The following PPP2R2B variants were observed in gnomAD, a reference collection of about 807,000 sequenced individuals.
PPP2R2B encodes the protein protein phosphatase 2 regulatory subunit Bbeta, also known as serine/threonine-protein phosphatase 2A 55 kDa regulatory subunit B beta isoform.
PPP2R2B carries 5 observed loss-of-function variants against 46.0 expected under a neutral mutation model. That is an observed-to-expected ratio of 0.11 (90% CI 0.06 to 0.23). PPP2R2B has a LOEUF of 0.23. Among genes scored for constraint, PPP2R2B ranks in the 10% least tolerant of loss-of-function variants. PPP2R2B has a pLI of 1.00. For synonymous variants in PPP2R2B, 215 were observed against 206.7 expected (o/e 1.04, Z -0.34); for missense variants, 367 against 575.0 (o/e 0.64, Z 3.70).
rs1247076301 is a variant in PPP2R2B, at chr5:146,581,150, A to C, written c.*8797T>G. The C allele has an allele frequency of 4.6e-5, 7 of 152,308 alleles. No individual in the cohort carries two copies. In the East Asian group the frequency reaches 1.3e-3, roughly 29 times the overall value. 9.4% of individuals were successfully genotyped at this position (152,308 alleles called of 1,614,324 possible). A position where few individuals can be genotyped will look rare whatever the true frequency, so the allele number is the denominator to read the frequency against. On this transcript the variant is annotated 3_prime_UTR_variant, in exon 10 of 10. Coordinates refer to ENST00000394411, the MANE Select transcript of PPP2R2B (RefSeq NM_181675.4). ...AAACCCGAGACTGGGTAATTTGTAAAGGAATGAGGTTTAATTGGCTCATGG... is the reference window on the plus strand; with the variant it reads ...AAACCCGAGACTGGGTAATTTGTAACGGAATGAGGTTTAATTGGCTCATGG...
chr5:146,735,913 A>G (rs905758385), intron 2 of PPP2R2B, among the ~76,000 whole-genome samples: 1 of 152,216 alleles, frequency 6.6e-6, no homozygotes, highest in East Asian at 1.9e-4. Flanking sequence ...TGTGGTGGGC[A>G]TTATTATTTA....
chr5:147,014,124 C>G (rs1754877813), intron 1 of PPP2R2B, among the ~76,000 whole-genome samples: 1 of 125,046 alleles, frequency 8.0e-6, no homozygotes. Context: ...AGCCAAAAAA[C>G]ACATGAAAAA....
chr5:146,706,692 C>T (rs1182357041), intron 2 of PPP2R2B: 9 of 869,420 alleles, frequency 1.0e-5, no homozygotes, highest in East Asian at 1.0e-4. Flanking sequence ...GCTGATGTTC[C>T]GGTTCATCTC....
At chr5:147,024,542 A>C (rs538498274) in intron 1 of PPP2R2B, among the ~76,000 whole-genome samples, 1 of 152,330 alleles carries the variant, frequency 6.6e-6, no homozygotes, top group African/African-American at 2.4e-5. Flanking sequence ...TATATGTGGA[A>C]TATTCACCAA....
At chr5:146,993,463 A>G (rs939240640) in intron 1 of PPP2R2B, among the ~76,000 whole-genome samples, 2 of 151,562 alleles carry the variant, frequency 1.3e-5, no homozygotes, top group Non-Finnish European at 2.9e-5. Context: ...GCTGGTCTCA[A>G]ACTCCTGAGC....
exon 1 of PPP2R2B, chr5:147,081,344 C>A: frequency 6.6e-7 from 1 of 1,510,574 alleles, no homozygotes; most frequent in East Asian, 2.5e-5. Context: ...TGAATCACTG[C>A]TCTGTCTCCT....
intron 2 of PPP2R2B, among the ~76,000 whole-genome samples, chr5:146,709,752 G>T (rs181395434): frequency 6.6e-6 from 1 of 152,244 alleles, no homozygotes; most frequent in Non-Finnish European, 1.5e-5. Context: ...TGGGAGAATG[G>T]GACAATATCT....
intron 2 of PPP2R2B, among the ~76,000 whole-genome samples, chr5:146,791,193 G>A (rs1756178585): frequency 6.6e-6 from 1 of 152,092 alleles, no homozygotes; most frequent in Admixed American, 6.5e-5. Context: ...AAAAGTGGCA[G>A]GGAATTTTAC....
chr5:146,931,164 C>A (rs1183811118), intron 1 of PPP2R2B, among the ~76,000 whole-genome samples: 1 of 152,124 alleles, frequency 6.6e-6, no homozygotes, highest in Admixed American at 6.5e-5. Context: ...AAAGTGATAT[C>A]TCTGTAACGC....
intron 2 of PPP2R2B, among the ~76,000 whole-genome samples, chr5:147,067,078 C>A (rs972954969): frequency 6.6e-6 from 1 of 152,108 alleles, no homozygotes; most frequent in Admixed American, 6.5e-5. Flanking sequence ...AAAAAGTTGT[C>A]TACATTTACG....
Position 146,991,131 on chromosome 5 carries a change from A to C in PPP2R2B, c.79+64534T>G, listed in dbSNP as rs571556157. 7.2e-5 allele frequency among the ~76,000 whole-genome samples: 11 copies of C among 152,278 alleles called. No homozygotes were observed. The East Asian group carries it at 1.9e-3, about 27-fold the overall frequency. ...CTTGTACACTCTTCGTAGGAATGTA[A>C]ATTAGTATAGCCATTATGGAAAGCA... On this transcript the variant is annotated intron_variant, in intron 1 of 8. Transcript: ENST00000336640.
chr5:146,607,568 C>A (rs1206196829), intron 7 of PPP2R2B: 1 of 152,206 alleles, frequency 6.6e-6, no homozygotes, highest in African/African-American at 2.4e-5. Flanking sequence ...ATATTGGTCC[C>A]TAAGTTTTAC....
intron 1 of PPP2R2B, among the ~76,000 whole-genome samples, chr5:146,949,836 G>T (rs754511109): frequency 2.8e-4 from 43 of 151,900 alleles, no homozygotes; most frequent in Non-Finnish European, 4.4e-4. Flanking sequence ...CCATAAAAAA[G>T]AATGAAATTC....
At chr5:146,629,678 T>G (rs1774295369) in intron 7 of PPP2R2B, among the ~76,000 whole-genome samples, 1 of 152,082 alleles carries the variant, frequency 6.6e-6, no homozygotes, top group South Asian at 2.1e-4. Context: ...AGACCCAGCC[T>G]ACCTCTCTGG....
intron 1 of PPP2R2B, among the ~76,000 whole-genome samples, chr5:147,051,662 C>T (rs969047711): frequency 5.3e-5 from 8 of 151,900 alleles, no homozygotes; most frequent in Non-Finnish European, 1.0e-4. Flanking sequence ...AATAACAGGC[C>T]CTCCAGTGCC....
chr5:147,047,400 C>T (rs114800109), intron 1 of PPP2R2B, among the ~76,000 whole-genome samples: 1,547 of 152,244 alleles, frequency 0.01, 27 homozygotes, highest in African/African-American at 0.036. Context: ...AACTTCACTA[C>T]ATACCCCATG....
Position 146,638,345 on chromosome 5 carries a change from G to C in PPP2R2B, c.696C>G (p.Pro232=), listed in dbSNP as rs34317831. ...TEVITAAEFH[P]HHCNTFVYSS... is the part of the protein sequence containing the mutation. ...TGTACACGAAGGTGTTGCAATGATGGGGGTGGAACTCGGCTGCTGTGATCA... is the reference window on the plus strand; with the variant it reads ...TGTACACGAAGGTGTTGCAATGATGCGGGTGGAACTCGGCTGCTGTGATCA... Residue 232 remains proline (P), a synonymous_variant, in exon 7 of 10, where the codon CCC becomes CCG. Transcript: ENST00000394411. 1.5e-3 allele frequency: 2,394 copies of C among 1,613,588 alleles called. 40 individuals are homozygous for C. In the African/African-American group the frequency reaches 0.028, roughly 19 times the overall value.
Position 146,902,552 on chromosome 5 carries a change from C to T in PPP2R2B, c.79+153113G>A, listed in dbSNP as rs189113241. On this transcript the variant is annotated intron_variant, in intron 1 of 8. Transcript: ENST00000336640. Reference sequence around the variant, plus strand: ...TTAATTGTCACAAAAATCCTGAGGTCTGGCTCTAGATATACAACTACACAC... The same window carrying T: ...TTAATTGTCACAAAAATCCTGAGGTTTGGCTCTAGATATACAACTACACAC... 1.1e-4 allele frequency among the ~76,000 whole-genome samples: 16 copies of T among 152,292 alleles called. No homozygotes were observed. In the East Asian group the frequency reaches 2.9e-3, roughly 28 times the overall value.
upstream of PPP2R2B, chr5:146,878,965 T>G (rs1006012777): frequency 8.2e-6 from 9 of 1,096,498 alleles, no homozygotes; most frequent in Admixed American, 8.5e-5. The surrounding 1 kb of genome is among the most constrained non-coding windows in gnomAD (Gnocchi z 4.5). Context: ...GACGCGCTCT[T>G]CCAACCTCCT....
Sources: allele counts gnomAD v4.1 joint callset (sites outside exome capture counted in the v4.1 genomes callset), GRCh38; gene constraint gnomAD v4.1.1; non-coding constraint Gnocchi (gnomAD v3.1); transcripts MANE v1.5; gene names NCBI Gene and HGNC (gene_info 2026-07-23, HGNC 2026-07-21).